SYNE3: variants seen among roughly 807,000 people sequenced by gnomAD.
SYNE3 encodes the protein nesprin-3.
A neutral mutation model predicts 111.2 loss-of-function variants in SYNE3; 100 were observed. The ratio of observed to expected loss-of-function variants is 0.90; its 90% CI spans 0.77 to 1.06. The LOEUF (loss-of-function observed/expected upper bound fraction) is 1.06, where lower values mean the gene tolerates loss of function less well. Ranked by LOEUF, SYNE3 falls within the 50% of genes least tolerant of loss-of-function variation. The pLI, the probability that SYNE3 is intolerant of heterozygous loss-of-function variation, is 0.00. For missense variants in SYNE3, 1,160 were observed against 1,240.3 expected (o/e 0.94, Z 0.97); for synonymous variants, 547 against 533.9 (o/e 1.02, Z -0.34).
At chr14:95,481,458 C>T (rs2139534839) in intron 1 of SYNE3, among the ~76,000 whole-genome samples, 1 of 152,292 alleles carries the variant, frequency 6.6e-6, no homozygotes, top group Non-Finnish European at 1.5e-5. Context: ...GCTAGAGAGA[C>T]AAGGCGGGGA....
chr14:95,455,485 C>T lies in SYNE3; in HGVS notation c.1029G>A (p.Glu343=). 1 of 1,613,632 alleles carries T rather than the reference C, an allele frequency of 6.2e-7. No individual in the cohort carries two copies. Residue 343 remains glutamate (E), a synonymous_variant, in exon 6 of 18, where the codon GAG becomes GAA. Coordinates refer to ENST00000682763, the MANE Select transcript of SYNE3 (RefSeq NM_152592.6). ...WEQQIKQLEA[E]LSEFRMVLQR... is the part of the protein sequence containing the mutation. Reference sequence around the variant, plus strand: ...GCAGGACCATCCTGAACTCACTGAGCTCAGCCTCCAGCTGCTTAATCTGCT... The same window carrying T: ...GCAGGACCATCCTGAACTCACTGAGTTCAGCCTCCAGCTGCTTAATCTGCT...
chr14:95,473,658 A>G (rs1888675813), intron 2 of SYNE3, among the ~76,000 whole-genome samples: 1 of 151,614 alleles, frequency 6.6e-6, no homozygotes, highest in East Asian at 1.9e-4. Flanking sequence ...GGCCGGTGTA[A>G]GCTTGGGAGG....
rs554664007 is a variant in SYNE3, at chr14:95,481,503, G to A, written c.-14-5668C>T. On this transcript the variant is annotated intron_variant, in intron 1 of 17. Coordinates refer to ENST00000682763, the MANE Select transcript of SYNE3 (RefSeq NM_152592.6). ...AGATGTTCCTAGACCCATGTTGGGGGCCGCTGAGCAGCAGGAACTAGAGCC... is the reference window on the plus strand; with the variant it reads ...AGATGTTCCTAGACCCATGTTGGGGACCGCTGAGCAGCAGGAACTAGAGCC... Among the ~76,000 whole-genome samples the A allele has an allele frequency of 3.3e-5, 5 of 152,322 alleles. No individual in the cohort carries two copies. The East Asian group carries it at 5.8e-4, about 18-fold the overall frequency.
rs59220960 is a variant in SYNE3, at chr14:95,415,276, G to GCCCC, written c.*2546_*2549dup. Reference sequence around the variant, plus strand: ...CATAGGAAAGTGGACACCTGGCAAGGCCCCCCCACCCACCCACCCTGCCAC... The same window carrying GCCCC: ...CATAGGAAAGTGGACACCTGGCAAGGCCCCCCCCCCCACCCACCCACCCTGCCAC... On this transcript the variant is annotated 3_prime_UTR_variant, in exon 18 of 18. Coordinates refer to ENST00000682763, the MANE Select transcript of SYNE3 (RefSeq NM_152592.6). The GCCCC allele has an allele frequency of 1.4e-5, 2 of 139,610 alleles. No individual in the cohort carries two copies. The highest frequency in any genetic ancestry group is 2.4e-4 in the South Asian group (1 of 4,158). 8.6% of individuals were successfully genotyped at this position (139,610 alleles called of 1,614,324 possible). A position where few individuals can be genotyped will look rare whatever the true frequency, so the allele number is the denominator to read the frequency against.
At position 95,455,378 on chromosome 14, in the gene SYNE3, G is replaced by A. The variant is rs141536238; in HGVS notation, c.1136C>T (p.Ser379Leu). Residue 379 changes from serine to leucine, a missense_variant and splice_region_variant, in exon 6 of 18, where the codon TCG becomes TTG. By Grantham distance (145) the Ser-to-Leu change is moderately radical (BLOSUM62 -2). Coordinates refer to ENST00000682763, the MANE Select transcript of SYNE3 (RefSeq NM_152592.6). ...DELVAHWRRY[S>L]ATRAALASEE... Reference sequence around the variant, plus strand: ...CATGACTCGGCCAAGCACGCTTACCGAGTAGCGTCTCCAGTGTGCCACCAG... The same window carrying A: ...CATGACTCGGCCAAGCACGCTTACCAAGTAGCGTCTCCAGTGTGCCACCAG... 1,468 of 1,531,066 alleles carry A rather than the reference G, an allele frequency of 9.6e-4. 12 individuals are homozygous for A. The highest frequency in any genetic ancestry group is 4.3e-4 in the Non-Finnish European group (486 of 1,139,968). 94.8% of individuals were successfully genotyped at this position (1,531,066 alleles called of 1,614,324 possible).
At chr14:95,505,991 T>C (rs1890512642) in intron 1 of SYNE3, among the ~76,000 whole-genome samples, 1 of 152,190 alleles carries the variant, frequency 6.6e-6, no homozygotes, top group Admixed American at 6.5e-5. Context: ...TAGAGATCTC[T>C]CTAACTCATT....
chr14:95,445,003 A>G (rs2139407004), intron 9 of SYNE3, among the ~76,000 whole-genome samples: 1 of 152,378 alleles, frequency 6.6e-6, no homozygotes, highest in East Asian at 1.9e-4. Context: ...CCTGCCCTGC[A>G]GACTCTAAAA....
chr14:95,513,340 T>A (rs976313954), intron 1 of SYNE3, among the ~76,000 whole-genome samples: 1 of 152,170 alleles, frequency 6.6e-6, no homozygotes, highest in Non-Finnish European at 1.5e-5. Flanking sequence ...TCCATGGAGA[T>A]GCTAGGATTC....
chr14:95,440,048 C>T lies in SYNE3; in HGVS notation c.1939G>A (p.Val647Met). ...EDLVDRCRQS[V>M]QEHCTFSHQL... ...TGGCTGAAGGTGCAGTGCTCCTGCA[C>T]ACTCTGCCGACACCTGTCCACAAGG... Residue 647 changes from valine to methionine, a missense_variant, in exon 12 of 18, where the codon GTG becomes ATG. By Grantham distance (21) the Val-to-Met change is conservative. Coordinates refer to ENST00000682763, the MANE Select transcript of SYNE3 (RefSeq NM_152592.6). 6.2e-7 allele frequency: 1 copy of T among 1,607,508 alleles called. No individual in the cohort carries two copies. Among genetic ancestry groups the T allele is most frequent in the Non-Finnish European group, 8.5e-7 (1 of 1,179,820 alleles).
intron 1 of SYNE3, among the ~76,000 whole-genome samples, chr14:95,493,812 GT>G (rs1014428596): frequency 1.3e-5 from 2 of 152,210 alleles, no homozygotes; most frequent in Admixed American, 1.3e-4. Flanking sequence ...ATCATTTGGT[GT>G]TTGGAATTCC....
chr14:95,474,727 T>A (rs531677201), intron 2 of SYNE3, among the ~76,000 whole-genome samples: 1 of 152,246 alleles, frequency 6.6e-6, no homozygotes, highest in South Asian at 2.1e-4. Flanking sequence ...ATATATGCAA[T>A]ATGGTGCACA....
chr14:95,436,706 G>C, intron 15 of SYNE3, 114 bp downstream of exon 15: 1 of 1,267,520 alleles, frequency 7.9e-7, no homozygotes, highest in Non-Finnish European at 1.1e-6. Flanking sequence ...CTATACACAA[G>C]GGAGAACAGC....
Position 95,444,560 on chromosome 14 carries a change from G to A in SYNE3, c.1701C>T (p.Leu567=). 2 of 1,613,614 alleles carry A rather than the reference G, an allele frequency of 1.2e-6. No individual in the cohort carries two copies. Among genetic ancestry groups the A allele is most frequent in the Non-Finnish European group, 1.7e-6 (2 of 1,179,638 alleles). Residue 567 remains leucine, a synonymous_variant, in exon 10 of 18, where the codon CTC becomes CTT. Transcript: ENST00000682763. ...FEPLQRKLLD[L]QVRVQAEKGL... ...CCTTCTCGGCTTGGACCCTGACCTGGAGGTCCAAGAGCTTCCTCTGCAGGG... is the reference window on the plus strand; with the variant it reads ...CCTTCTCGGCTTGGACCCTGACCTGAAGGTCCAAGAGCTTCCTCTGCAGGG...
chr14:95,496,551 C>A (rs1257988952), intron 1 of SYNE3, among the ~76,000 whole-genome samples: 4 of 152,150 alleles, frequency 2.6e-5, no homozygotes, highest in Non-Finnish European at 5.9e-5. Context: ...GGATGGGCCA[C>A]GAGGGCTCCA....
In SYNE3 at chr14:95,467,815, G is replaced by T. The variant is rs779608954; in HGVS notation, c.297C>A (p.Thr99=). The T allele has an allele frequency of 6.2e-6, 10 of 1,614,106 alleles. No homozygotes were observed. In the South Asian group the frequency reaches 9.9e-5, roughly 16 times the overall value. ...DIKAQWEETV[T]YMTHCHSRIE... ...CCTACCTGTGACAGTGAGTCATGTA[G>T]GTGACTGTCTCCTCCCATTGGGCCT... is the stretch of plus-strand genomic sequence containing the variant. The change falls in exon 3 of 18, where the codon ACC becomes ACA. Residue 99 remains threonine, a synonymous_variant. Transcript: ENST00000682763.
chr14:95,450,134 G>T, intron 7 of SYNE3, 29 bp from the exon 8 acceptor site: 7 of 1,558,504 alleles, frequency 4.5e-6, no homozygotes, highest in Non-Finnish European at 6.1e-6. Context: ...GAGAAAATGA[G>T]GGAGGAGAGA....
At chr14:95,444,793 G>A (rs1044112613) in intron 9 of SYNE3, among the ~76,000 whole-genome samples, 165 bp from the exon 10 acceptor site, 7 of 152,190 alleles carry the variant, frequency 4.6e-5, no homozygotes, top group African/African-American at 1.7e-4. Flanking sequence ...GGAGTTGGGT[G>A]CCTCTCCTTA....
intron 17 of SYNE3, among the ~76,000 whole-genome samples, chr14:95,418,645 C>T (rs1438143565): frequency 6.6e-6 from 1 of 151,676 alleles, no homozygotes; most frequent in Non-Finnish European, 1.5e-5. Flanking sequence ...GCTCTGTCGC[C>T]CAGGCTGGAG....
chr14:95,417,859 G>A lies in SYNE3; in HGVS notation c.2895C>T (p.Leu965=), dbSNP rs764535842. The stretch of plus-strand genomic sequence containing the variant: ...GTGGTGGGCCATTGTAGCGCAGCAT[G>A]AGCGTGAAGGAGCGGGCGAAGTTGT... ...LANNFARSFT[L]MLRYNGPPPT The change falls in exon 18 of 18, where the codon CTC becomes CTT. Residue 965 remains leucine, a synonymous_variant. Transcript: ENST00000682763. 1.9e-6 allele frequency: 3 copies of A among 1,614,242 alleles called. No homozygotes were observed. Among genetic ancestry groups the A allele is most frequent in the East Asian group, 2.2e-5 (1 of 44,890 alleles).
Sources: allele counts gnomAD v4.1 joint callset (sites outside exome capture counted in the v4.1 genomes callset), GRCh38; gene constraint gnomAD v4.1.1; transcripts MANE v1.5; gene names NCBI Gene and HGNC (gene_info 2026-07-23, HGNC 2026-07-21).